Variants in DTNA observed in about 807,000 individuals in gnomAD.
DTNA encodes the protein dystrobrevin alpha, also known as dystrophin-related protein 3.
DTNA carries 43 observed loss-of-function variants against 100.7 expected under a neutral mutation model. The ratio of observed to expected loss-of-function variants is 0.43; its 90% CI spans 0.33 to 0.55. The LOEUF is 0.55. DTNA is among the 20% of genes least tolerant of loss of function. DTNA has a pLI of 0.04. For synonymous variants in DTNA, 349 were observed against 347.9 expected (o/e 1.00, Z -0.04); for missense variants, 798 against 953.9 (o/e 0.84, Z 2.15).
intron 1 of DTNA, among the ~76,000 whole-genome samples, chr18:34,517,507 TTA>T (rs368364941): frequency 5.4e-4 from 76 of 140,634 alleles, no homozygotes; most frequent in African/African-American, 1.9e-3. Context: ...ACATGCAATG[TTA>T]TCTCATATGT....
chr18:34,642,688 A>G (rs2059421719), intron 1 of DTNA, among the ~76,000 whole-genome samples: 1 of 151,980 alleles, frequency 6.6e-6, no homozygotes, highest in Non-Finnish European at 1.5e-5. Context: ...CCTCCCGAGT[A>G]GCTGGGATTA....
chr18:34,494,312 C>G (rs2038926214), intron 1 of DTNA, among the ~76,000 whole-genome samples: 1 of 139,538 alleles, frequency 7.2e-6, no homozygotes, highest in Admixed American at 7.4e-5. Flanking sequence ...TTGCAGTGCA[C>G]TGCGGTGCCC....
At chr18:34,873,700 C>T (rs528883801) in intron 17 of DTNA, among the ~76,000 whole-genome samples, 4 of 152,288 alleles carry the variant, frequency 2.6e-5, no homozygotes, top group Middle Eastern at 3.4e-3. Flanking sequence ...TATGTGAAAA[C>T]CCTTTGAACA....
chr18:34,671,678 C>T (rs1386274029), intron 1 of DTNA, among the ~76,000 whole-genome samples: 2 of 152,152 alleles, frequency 1.3e-5, no homozygotes, highest in African/African-American at 4.8e-5. Flanking sequence ...TGATAGAGTT[C>T]CTACAAAATC....
chr18:34,717,248 A>C (rs927942268), intron 1 of DTNA, among the ~76,000 whole-genome samples: 1 of 152,250 alleles, frequency 6.6e-6, no homozygotes, highest in African/African-American at 2.4e-5. Flanking sequence ...AATCTTATTT[A>C]ATGCTAAGTA....
At chr18:34,741,772 C>T (rs920160086) in intron 1 of DTNA, among the ~76,000 whole-genome samples, 9 of 151,834 alleles carry the variant, frequency 5.9e-5, no homozygotes, top group Non-Finnish European at 1.0e-4. Context: ...TTAGTCAGTA[C>T]TTATCTGATA....
intron 1 of DTNA, among the ~76,000 whole-genome samples, chr18:34,630,004 C>G (rs966899654): frequency 5.3e-5 from 8 of 152,148 alleles, no homozygotes; most frequent in Non-Finnish European, 8.8e-5. Flanking sequence ...GCATTTTTCT[C>G]CTTCCCCAAA....
At chr18:34,537,694 A>G (rs903689783) in intron 1 of DTNA, among the ~76,000 whole-genome samples, 1 of 151,988 alleles carries the variant, frequency 6.6e-6, no homozygotes, top group African/African-American at 2.4e-5. Flanking sequence ...CTGCAGTAAA[A>G]TTAACAATAA....
intron 1 of DTNA, among the ~76,000 whole-genome samples, chr18:34,669,146 C>T (rs1465085032): frequency 1.3e-5 from 2 of 152,182 alleles, no homozygotes; most frequent in East Asian, 3.9e-4. Flanking sequence ...ATAGTTAGCA[C>T]TTCTTGTTAA....
chr18:34,853,460 T>G (rs1316713294), intron 15 of DTNA, among the ~76,000 whole-genome samples: 1 of 152,192 alleles, frequency 6.6e-6, no homozygotes, highest in Non-Finnish European at 1.5e-5. Flanking sequence ...CAAACTCTGG[T>G]TGGCACTTTT....
chr18:34,680,343 T>C (rs1244716278), intron 1 of DTNA, among the ~76,000 whole-genome samples: 1 of 152,236 alleles, frequency 6.6e-6, no homozygotes, highest in Non-Finnish European at 1.5e-5. Flanking sequence ...TTGCCATTTT[T>C]CAGCAGAATA....
chr18:34,594,514 T>TG (rs933328309), intron 1 of DTNA, among the ~76,000 whole-genome samples: 9 of 152,348 alleles, frequency 5.9e-5, no homozygotes, highest in African/African-American at 2.2e-4. Context: ...AGTGCACAGA[T>TG]GAACAGTTGT....
chr18:34,567,372 A>T (rs2047176598), intron 1 of DTNA, among the ~76,000 whole-genome samples: 1 of 152,196 alleles, frequency 6.6e-6, no homozygotes, highest in Non-Finnish European at 1.5e-5. Context: ...GGTGAAATAA[A>T]TGATGTTATT....
At chr18:34,765,301 G>T (rs544444963) in intron 2 of DTNA, among the ~76,000 whole-genome samples, 187 of 152,264 alleles carry the variant, frequency 1.2e-3, no homozygotes, top group Non-Finnish European at 2.2e-3. Context: ...TTTTAGAAAG[G>T]CATGTCTTCC....
At chr18:34,685,332 G>C (rs970152004) in intron 1 of DTNA, among the ~76,000 whole-genome samples, 1 of 152,082 alleles carries the variant, frequency 6.6e-6, no homozygotes, top group South Asian at 2.1e-4. Context: ...GTAAGGAAAG[G>C]GTCCAGTTTC....
chr18:34,570,223 C>T (rs1466078088), intron 1 of DTNA, among the ~76,000 whole-genome samples: 3 of 152,114 alleles, frequency 2.0e-5, no homozygotes, highest in Non-Finnish European at 4.4e-5. Flanking sequence ...GGAGTTTTTT[C>T]GTTCACATCT....
chr18:34,679,754 C>A (rs2145430795), intron 1 of DTNA, among the ~76,000 whole-genome samples: 1 of 152,152 alleles, frequency 6.6e-6, no homozygotes, highest in African/African-American at 2.4e-5. Flanking sequence ...AGTTTCGTAC[C>A]TTTAGTGAGG....
chr18:34,803,309 G>A (rs927921889), intron 4 of DTNA, among the ~76,000 whole-genome samples: 6 of 151,448 alleles, frequency 4.0e-5, no homozygotes, highest in Admixed American at 3.3e-4. Flanking sequence ...TGTCAATTTG[G>A]CAGAACAGCT....
At chr18:34,868,482 CT>C (rs2096731484) in intron 17 of DTNA, 3 of 985,220 alleles carry the variant, frequency 3.0e-6, no homozygotes, top group African/African-American at 1.7e-5. Context: ...AGGTTTTAGA[CT>C]GGCATCTGCT....
Sources: gnomAD v4.1 joint callset for allele counts (sites outside exome capture counted in the v4.1 genomes callset) on GRCh38, gnomAD v4.1.1 for gene constraint, MANE v1.5 for transcripts, NCBI Gene and HGNC (gene_info 2026-07-23, HGNC 2026-07-21) for gene names.